The following LPAR1 variants were observed in gnomAD, a reference collection of about 807,000 sequenced individuals.
LPAR1 encodes lysophosphatidic acid receptor 1, also known as LPA receptor 1.
A neutral mutation model predicts 23.8 loss-of-function variants in LPAR1; 5 were observed. The ratio of observed to expected loss-of-function variants is 0.21; its 90% CI spans 0.11 to 0.44. The LOEUF (loss-of-function observed/expected upper bound fraction) is 0.44. Ranked by LOEUF, LPAR1 falls within the 20% of genes least tolerant of loss-of-function variation. LPAR1 has a pLI of 0.99. For missense variants in LPAR1, 311 were observed against 482.8 expected (o/e 0.64, Z 3.33); for synonymous variants, 160 against 164.7 (o/e 0.97, Z 0.22).
chr9:111,009,996 AAAATAT>A (rs1185749546), intron 2 of LPAR1, among the ~76,000 whole-genome samples: 15 of 108,966 alleles, frequency 1.4e-4, no homozygotes, highest in African/African-American at 4.4e-4. Flanking sequence ...CATAATTAGG[AAAATAT>A]ATATATATAT....
chr9:110,962,068 G>T (rs1234425474), intron 4 of LPAR1, among the ~76,000 whole-genome samples: 2 of 152,156 alleles, frequency 1.3e-5, no homozygotes, highest in African/African-American at 2.4e-5. Flanking sequence ...CACTGCCATA[G>T]CATTGAATTC....
At chr9:110,980,352 A>C (rs1344252241) in intron 2 of LPAR1, among the ~76,000 whole-genome samples, 1 of 152,080 alleles carries the variant, frequency 6.6e-6, no homozygotes. Flanking sequence ...CTGCCAAAAC[A>C]ACTGAAAGTG....
At chr9:110,937,250 G>A (rs2094774574) in intron 5 of LPAR1, among the ~76,000 whole-genome samples, 1 of 152,246 alleles carries the variant, frequency 6.6e-6, no homozygotes, top group Non-Finnish European at 1.5e-5. Flanking sequence ...AGAAACAAAT[G>A]AGATCACAGT....
At chr9:111,038,743 G>T (rs1457565735), upstream of LPAR1, 1 of 432,176 alleles carries the variant, frequency 2.3e-6, no homozygotes, top group Non-Finnish European at 4.6e-6. The surrounding 1 kb of genome is among the most constrained non-coding windows in gnomAD (Gnocchi z 4.4). Flanking sequence ...CCGGGGCTGG[G>T]GGGTGGCCTT....
chr9:111,005,575 A>AAAAAAAAAAAAAAAAAAAAAAAG (rs1564316925), intron 2 of LPAR1, among the ~76,000 whole-genome samples: 1 of 131,486 alleles, frequency 7.6e-6, no homozygotes, highest in African/African-American at 3.2e-5. Flanking sequence ...AAAAAAAAAA[A>AAAAAAAAAAAAAAAAAAAAAAAG]AAGAAGAATT....
intron 5 of LPAR1, among the ~76,000 whole-genome samples, chr9:110,938,715 A>G (rs935255669): frequency 4.6e-5 from 7 of 151,888 alleles, no homozygotes; most frequent in Admixed American, 2.6e-4. Context: ...AAAGAAAAAA[A>G]AAAATCTGGG....
chr9:110,982,861 T>TACACACACACACACACAC (rs55748505), intron 2 of LPAR1, among the ~76,000 whole-genome samples: 6 of 139,986 alleles, frequency 4.3e-5, no homozygotes, highest in African/African-American at 7.9e-5. Flanking sequence ...TATATACACA[T>TACACACACACACACACAC]ACACACACAC....
intron 5 of LPAR1, among the ~76,000 whole-genome samples, chr9:110,928,970 C>T (rs2094222014): frequency 6.6e-6 from 1 of 152,148 alleles, no homozygotes; most frequent in Non-Finnish European, 1.5e-5. Context: ...CTTTTTGAAG[C>T]ACAGAAATAC....
At chr9:110,938,660 C>T (rs967878319) in intron 5 of LPAR1, among the ~76,000 whole-genome samples, 1 of 151,354 alleles carries the variant, frequency 6.6e-6, no homozygotes, top group Non-Finnish European at 1.5e-5. Context: ...TCAAGACCAG[C>T]CTGGGCAACA....
chr9:111,036,720 C>T (rs553012846), intron 1 of LPAR1, among the ~76,000 whole-genome samples: 2 of 152,334 alleles, frequency 1.3e-5, no homozygotes, highest in South Asian at 4.1e-4. Context: ...CTCCTCGCTC[C>T]TCGCCCGTGC....
intron 5 of LPAR1, among the ~76,000 whole-genome samples, chr9:110,927,945 G>C (rs185782473): frequency 2.6e-5 from 4 of 151,980 alleles, no homozygotes; most frequent in Non-Finnish European, 5.9e-5. Flanking sequence ...CTCTAGAAAT[G>C]TCTTCTCAAT....
At chr9:110,899,497 G>A (rs186465615) in intron 5 of LPAR1, among the ~76,000 whole-genome samples, 1 of 152,316 alleles carries the variant, frequency 6.6e-6, no homozygotes, top group African/African-American at 2.4e-5. Context: ...GGGAAGAAAG[G>A]CATTTACGTA....
At chr9:110,977,466 G>C (rs1352851618) in intron 2 of LPAR1, among the ~76,000 whole-genome samples, 6 of 152,158 alleles carry the variant, frequency 3.9e-5, no homozygotes, top group Admixed American at 1.3e-4. Flanking sequence ...CAAAGTCTTT[G>C]GTTTGAGGCA....
intron 5 of LPAR1, among the ~76,000 whole-genome samples, chr9:110,897,936 AAC>A (rs2087035991): frequency 6.6e-6 from 1 of 152,208 alleles, no homozygotes; most frequent in South Asian, 2.1e-4. Flanking sequence ...AAAATCCTCA[AAC>A]ACAGAATTTC....
chr9:110,878,510 T>A (rs1161490028), intron 5 of LPAR1, among the ~76,000 whole-genome samples: 1 of 152,184 alleles, frequency 6.6e-6, no homozygotes, highest in Non-Finnish European at 1.5e-5. Flanking sequence ...CTAACCATAA[T>A]TCAATCAGGT....
rs73539568 is a variant in LPAR1 at position 110,946,085 on chromosome 9, T to C, written c.46-3917A>G. Among the ~76,000 whole-genome samples the C allele has an allele frequency of 2.3e-3, 352 of 152,192 alleles. 2 individuals are homozygous for C. The highest frequency in any genetic ancestry group is 8.0e-3 in the African/African-American group (332 of 41,534). Reference sequence around the variant, plus strand: ...TGAAAAACAATTTCTGTATTAAAAATGGCAATGCAGGTAATGAAAGGAAGT... The same window carrying C: ...TGAAAAACAATTTCTGTATTAAAAACGGCAATGCAGGTAATGAAAGGAAGT... On this transcript the variant is annotated intron_variant, in intron 4 of 5. Transcript: ENST00000683809.
chr9:110,947,740 C>G (rs913645524), intron 4 of LPAR1, among the ~76,000 whole-genome samples: 1 of 152,192 alleles, frequency 6.6e-6, no homozygotes, highest in Non-Finnish European at 1.5e-5. Flanking sequence ...GTTCTTCCAT[C>G]TCTTGAAAGA....
chr9:111,023,175 T>C (rs1413887292), intron 2 of LPAR1, among the ~76,000 whole-genome samples: 42 of 152,082 alleles, frequency 2.8e-4, no homozygotes, highest in Admixed American at 2.7e-3. Context: ...CATTCCTATT[T>C]GACTTTTGTC....
chr9:111,003,328 A>T (rs2097162174), intron 2 of LPAR1, among the ~76,000 whole-genome samples: 1 of 152,052 alleles, frequency 6.6e-6, no homozygotes, highest in African/African-American at 2.4e-5. Context: ...AAGCCAGAAC[A>T]CTCCACGGTA....
Sources: gnomAD v4.1 joint callset for allele counts (sites outside exome capture counted in the v4.1 genomes callset) on GRCh38, gnomAD v4.1.1 for gene constraint, Gnocchi (gnomAD v3.1) non-coding constraint, MANE v1.5 for transcripts, NCBI Gene and HGNC (gene_info 2026-07-23, HGNC 2026-07-21) for gene names.